Variants in TBCA observed in about 807,000 individuals in gnomAD.
TBCA encodes the protein tubulin-specific chaperone A.
In TBCA, 6 loss-of-function variants were observed where a neutral mutation model predicts 15.8. The ratio of observed to expected loss-of-function variants is 0.38; its 90% confidence interval spans 0.21 to 0.75. The LOEUF is 0.75. TBCA is among the 30% of genes least tolerant of loss of function. The pLI, the probability that TBCA is intolerant of heterozygous loss-of-function variation, is 0.46. For synonymous variants in TBCA, 32 were observed against 42.3 expected, an observed-to-expected ratio of 0.76 and a Z score of 0.94; for missense variants, 90 against 131.2, an observed-to-expected ratio of 0.69 and a Z score of 1.53.
At chr5:77,768,576 T>C (rs73765205) in intron 1 of TBCA, among the ~76,000 whole-genome samples, 10,895 of 152,246 alleles carry the variant, frequency 0.072, 548 homozygotes, top group African/African-American at 0.14. Context: ...TTCAAAATCC[T>C]TATAAAGGAA....
At chr5:77,722,469 A>T (rs1746548355) in intron 1 of TBCA, among the ~76,000 whole-genome samples, 1 of 152,088 alleles carries the variant, frequency 6.6e-6, no homozygotes, top group South Asian at 2.1e-4. Context: ...GAACAAATAA[A>T]GTTTTGGAAA....
At chr5:77,771,657 G>C (rs164818) in intron 1 of TBCA, among the ~76,000 whole-genome samples, 94,348 of 151,716 alleles carry the variant, frequency 0.62, 29,367 homozygotes, top group African/African-American at 0.65. Flanking sequence ...TGGCCGTCTT[G>C]CACGCATGGC....
intron 1 of TBCA, among the ~76,000 whole-genome samples, chr5:77,717,081 G>A (rs568368354): frequency 1.1e-3 from 162 of 152,352 alleles, no homozygotes; most frequent in Middle Eastern, 3.4e-3. Context: ...TTGGGATCAT[G>A]AGGAAATCCT....
intron 1 of TBCA, among the ~76,000 whole-genome samples, chr5:77,746,709 G>A (rs1029987436): frequency 6.6e-6 from 1 of 151,950 alleles, no homozygotes; most frequent in Non-Finnish European, 1.5e-5. Flanking sequence ...TTCATTTCTT[G>A]TAGCATTACA....
chr5:77,738,360 T>C (rs1746956548), intron 1 of TBCA, among the ~76,000 whole-genome samples: 1 of 152,218 alleles, frequency 6.6e-6, no homozygotes, highest in Non-Finnish European at 1.5e-5. Flanking sequence ...TTGCTATATA[T>C]ATGGCCCTAA....
intron 2 of TBCA, among the ~76,000 whole-genome samples, chr5:77,704,573 T>C (rs1429931313): frequency 6.6e-6 from 1 of 152,134 alleles, no homozygotes; most frequent in Non-Finnish European, 1.5e-5. Context: ...TGATATTTTC[T>C]ATGAAAGGCA....
chr5:77,761,015 A>G (rs1747616453), intron 1 of TBCA, among the ~76,000 whole-genome samples: 1 of 151,166 alleles, frequency 6.6e-6, no homozygotes, highest in Non-Finnish European at 1.5e-5. Flanking sequence ...CTGGGAAGTG[A>G]GGAGCACCTC....
chr5:77,742,910 CAGTA>C (rs1161207551), intron 1 of TBCA, among the ~76,000 whole-genome samples: 1 of 152,192 alleles, frequency 6.6e-6, no homozygotes, highest in East Asian at 1.9e-4. Flanking sequence ...TTAGTAATAA[CAGTA>C]AGTAAAGGGA....
intron 1 of TBCA, among the ~76,000 whole-genome samples, chr5:77,729,470 T>A (rs1746711950): frequency 6.6e-6 from 1 of 152,196 alleles, no homozygotes; most frequent in Non-Finnish European, 1.5e-5. Context: ...GAGAATTAGA[T>A]AAATGGAATG....
chr5:77,692,021 C>A, intron 3 of TBCA: 1 of 985,248 alleles, frequency 1.0e-6, no homozygotes, highest in South Asian at 4.7e-5. Flanking sequence ...CTAAAGGAAA[C>A]AAAATACATC....
At chr5:77,711,599 T>C (rs760667421) in intron 1 of TBCA, among the ~76,000 whole-genome samples, 4 of 152,166 alleles carry the variant, frequency 2.6e-5, no homozygotes, top group Non-Finnish European at 5.9e-5. Context: ...GATAGAAATA[T>C]ATATTTATAA....
chr5:77,699,212 T>C (rs1346405865), intron 2 of TBCA, among the ~76,000 whole-genome samples: 1 of 152,134 alleles, frequency 6.6e-6, no homozygotes, highest in African/African-American at 2.4e-5. Flanking sequence ...ATAGGTTTAA[T>C]GCAATTCCTA....
chr5:77,762,750 C>T lies in TBCA; in HGVS notation c.53+13455G>A, dbSNP rs144427697. Among the ~76,000 whole-genome samples the T allele has an allele frequency of 5.4e-3, 828 of 152,212 alleles. 1 individual carries two copies. Among genetic ancestry groups the T allele is most frequent in the African/African-American group, 0.019 (775 of 41,528 alleles). Reference sequence around the variant, plus strand: ...AGGCCTCCCCTCACTCTCCACACACCCTTAACTAAGTGCACAGTCCTGGAA... The same window carrying T: ...AGGCCTCCCCTCACTCTCCACACACTCTTAACTAAGTGCACAGTCCTGGAA... On this transcript the variant is annotated intron_variant, in intron 1 of 3. Transcript: ENST00000380377.
chr5:77,723,084 T>C (rs1353323518), intron 1 of TBCA, among the ~76,000 whole-genome samples: 3 of 151,722 alleles, frequency 2.0e-5, no homozygotes, highest in Non-Finnish European at 4.4e-5. Context: ...TTGTGTATTA[T>C]CAAGAAAAAT....
At chr5:77,703,388 C>G (rs1183239307) in intron 2 of TBCA, among the ~76,000 whole-genome samples, 1 of 152,010 alleles carries the variant, frequency 6.6e-6, no homozygotes, top group Non-Finnish European at 1.5e-5. Context: ...CCCTCTGTAC[C>G]CAACCCTAAT....
intron 1 of TBCA, among the ~76,000 whole-genome samples, chr5:77,716,746 A>G (rs1374271142): frequency 1.3e-5 from 2 of 152,184 alleles, no homozygotes; most frequent in Non-Finnish European, 2.9e-5. Flanking sequence ...TAAAAGTCTA[A>G]ATGTGTTCAA....
At chr5:77,740,339 T>A (rs1747002991) in intron 1 of TBCA, among the ~76,000 whole-genome samples, 1 of 152,192 alleles carries the variant, frequency 6.6e-6, no homozygotes, top group Non-Finnish European at 1.5e-5. Flanking sequence ...ATGGATAATG[T>A]AATAGAGACA....
At chr5:77,692,042 TG>T in intron 3 of TBCA, 1 of 985,336 alleles carries the variant, frequency 1.0e-6, no homozygotes, top group Non-Finnish European at 1.2e-6. Context: ...TTTCATTTTC[TG>T]ATATTTAAAG....
chr5:77,773,698 T>G (rs1307396493), intron 1 of TBCA, among the ~76,000 whole-genome samples: 1 of 152,184 alleles, frequency 6.6e-6, no homozygotes, highest in Non-Finnish European at 1.5e-5. Flanking sequence ...GTGCTAAAAC[T>G]CAGAAGCATT....
Sources: allele counts gnomAD v4.1 joint callset (sites outside exome capture counted in the v4.1 genomes callset), GRCh38; gene constraint gnomAD v4.1.1; transcripts MANE v1.5; gene names NCBI Gene and HGNC (gene_info 2026-07-23, HGNC 2026-07-21).